ARHGAP29: variants seen among roughly 807,000 people sequenced by gnomAD.
ARHGAP29 encodes the protein Rho GTPase activating protein 29.
ARHGAP29 carries 43 observed loss-of-function variants against 122.6 expected under a neutral mutation model. The observed-to-expected ratio is 0.35, with a 90% CI of 0.27 to 0.45. The LOEUF (loss-of-function observed/expected upper bound fraction) is 0.45, where lower values mean the gene tolerates loss of function less well. ARHGAP29 is among the 20% of genes least tolerant of loss of function. The pLI is 1.00. For missense variants in ARHGAP29, 1,303 were observed against 1,477.2 expected, an observed-to-expected ratio of 0.88 and a Z score of 1.93; for synonymous variants, 506 against 497.1, an observed-to-expected ratio of 1.02 and a Z score of -0.24.
chr1:94,183,716 T>C (rs1448425894), intron 19 of ARHGAP29, among the ~76,000 whole-genome samples: 5 of 152,236 alleles, frequency 3.3e-5, no homozygotes, highest in Non-Finnish European at 5.9e-5. Context: ...TTCATATAAC[T>C]GTGTGGATAC....
chr1:94,294,962 CA>C, the ARHGAP29 span, among the ~76,000 whole-genome samples: 1 of 152,190 alleles, frequency 6.6e-6, no homozygotes, highest in Non-Finnish European at 1.5e-5. Flanking sequence ...GTGGCAAAAG[CA>C]GCTTCCATAG....
intron 1 of ARHGAP29, among the ~76,000 whole-genome samples, chr1:94,254,612 T>C (rs148301659): frequency 1.4e-4 from 22 of 152,248 alleles, no homozygotes; most frequent in African/African-American, 5.3e-4. Flanking sequence ...AAGAGCTCCA[T>C]TCGGGAAAAA....
At chr1:94,279,510 A>T (rs1655284993), upstream of ARHGAP29, among the ~76,000 whole-genome samples, 1 of 152,198 alleles carries the variant, frequency 6.6e-6, no homozygotes, top group African/African-American at 2.4e-5. Context: ...TTCAGATCAT[A>T]TCAAAATCAC....
rs1648620262 is a variant in ARHGAP29, at chr1:94,169,929, A to G, written c.*3940T>C. On this transcript the variant is annotated 3_prime_UTR_variant, in exon 23 of 23. Transcript: ENST00000260526. ...TGACAATAATACACTGTCACTGAAT[A>G]AAGCAGGCATTCATGAATCTATACT... Among the ~76,000 whole-genome samples, 1 of 152,228 alleles carries G rather than the reference A, an allele frequency of 6.6e-6. No individual in the cohort carries two copies. The highest frequency in any genetic ancestry group is 2.1e-4 in the South Asian group (1 of 4,832).
chr1:94,202,821 A>G (rs576874869), intron 10 of ARHGAP29, 89 bp from the exon 11 acceptor site: 3 of 1,541,214 alleles, frequency 1.9e-6, no homozygotes, highest in African/African-American at 2.8e-5. Flanking sequence ...AGTTAAGACA[A>G]TATTTTAGAA....
chr1:94,201,751 A>AGTGTCCGG lies in ARHGAP29; in HGVS notation c.1242_1249dup (p.Leu417ProfsTer15), dbSNP rs1173743984. The AGTGTCCGG allele has an allele frequency of 6.2e-7, 1 of 1,613,850 alleles. No homozygotes were observed. ...AAGGGTAAGATCACACTGGAAAACA[A>AGTGTCCGG]GTGTCCGGAGTTGTGCTAAAATTTC... On this transcript the variant is annotated frameshift_variant, in exon 12 of 23. Transcript: ENST00000260526. LOFTEE classifies it high-confidence loss of function.
At chr1:94,197,136 GAA>G (rs1205017907) in intron 12 of ARHGAP29, among the ~76,000 whole-genome samples, 1 of 151,882 alleles carries the variant, frequency 6.6e-6, no homozygotes, top group Non-Finnish European at 1.5e-5. Flanking sequence ...CAATGAGAGA[GAA>G]AGAGAAAAAA....
At chr1:94,304,181 G>T in the ARHGAP29 span, among the ~76,000 whole-genome samples, 39 of 152,160 alleles carry the variant, frequency 2.6e-4, no homozygotes, top group African/African-American at 9.4e-4. Flanking sequence ...TGTCTCCTAG[G>T]CTGGATGGAG....
the ARHGAP29 span, among the ~76,000 whole-genome samples, chr1:94,291,175 G>A: frequency 6.6e-6 from 1 of 152,194 alleles, no homozygotes; most frequent in South Asian, 2.1e-4. Context: ...TTATGTAATG[G>A]CCTTCTTTGT....
At chr1:94,224,683 A>G (rs1282417035) in intron 2 of ARHGAP29, among the ~76,000 whole-genome samples, 6 of 152,170 alleles carry the variant, frequency 3.9e-5, no homozygotes. Context: ...AGTCCCTGCT[A>G]TAGTTTTTCT....
chr1:94,178,162 A>G lies in ARHGAP29; in HGVS notation c.2486T>C (p.Val829Ala). The part of the protein sequence containing the change: ...HFLIVHLKRV[V>A]DHAEENKMNS... ...CATCTTGTTTTCTTCTGCATGATCTACTACCCTGCAAAGTAGAACACATAA... is the reference window on the plus strand; with the variant it reads ...CATCTTGTTTTCTTCTGCATGATCTGCTACCCTGCAAAGTAGAACACATAA... Residue 829 changes from valine (V) to alanine (A), a missense_variant, in exon 21 of 23, where the codon GTA (valine) becomes GCA (alanine). Transcript: ENST00000260526. The G allele has an allele frequency of 6.2e-7, 1 of 1,612,206 alleles. No individual in the cohort carries two copies. Among genetic ancestry groups the G allele is most frequent in the Admixed American group, 1.7e-5 (1 of 59,786 alleles).
chr1:94,217,061 C>T (rs1651990620), intron 3 of ARHGAP29, among the ~76,000 whole-genome samples: 1 of 152,132 alleles, frequency 6.6e-6, no homozygotes. Flanking sequence ...AGCAGGCACC[C>T]TTCATGCATT....
Position 94,184,137 on chromosome 1 carries a change from G to C in ARHGAP29, c.2247+14C>G, listed in dbSNP as rs778363493. 1.0e-5 allele frequency: 16 copies of C among 1,600,972 alleles called. No individual in the cohort carries two copies. The highest frequency in any genetic ancestry group is 1.0e-5 in the Non-Finnish European group (12 of 1,176,700). The stretch of plus-strand genomic sequence containing the variant: ...TTTAATTTAATGGTGGGTTTCAAGG[G>C]TAAAAATTTTTACCTGCCGAAGGTA... On this transcript the variant is annotated intron_variant, in intron 19 of 22. Coordinates refer to ENST00000260526, the MANE Select transcript of ARHGAP29 (RefSeq NM_004815.4).
At position 94,170,095 on chromosome 1, in the gene ARHGAP29, C is replaced by T. The variant is rs926971567; in HGVS notation, c.*3774G>A. Among the ~76,000 whole-genome samples, 2 of 152,070 alleles carry T rather than the reference C, an allele frequency of 1.3e-5. No homozygotes were observed. The highest frequency in any genetic ancestry group is 1.9e-4 in the East Asian group (1 of 5,186). On this transcript the variant is annotated 3_prime_UTR_variant, in exon 23 of 23. Coordinates refer to ENST00000260526, the MANE Select transcript of ARHGAP29 (RefSeq NM_004815.4). Reference sequence around the variant, plus strand: ...GTCAAGAATTGTCAATAGACTAGCCCGTGACAATTCGATGAGAAACAATAC... The same window carrying T: ...GTCAAGAATTGTCAATAGACTAGCCTGTGACAATTCGATGAGAAACAATAC...
intron 5 of ARHGAP29, 125 bp from the exon 6 acceptor site, chr1:94,205,808 T>C: frequency 1.3e-6 from 1 of 775,910 alleles, no homozygotes; most frequent in East Asian, 2.6e-5. Flanking sequence ...TATTTAAAAC[T>C]TAAAGGCCTT....
intron 1 of ARHGAP29, among the ~76,000 whole-genome samples, chr1:94,257,203 A>T (rs1654392528): frequency 6.6e-6 from 1 of 151,878 alleles, no homozygotes; most frequent in African/African-American, 2.4e-5. Flanking sequence ...GGAGATGGAG[A>T]TTATCCTGGC....
chr1:94,286,459 G>A, the ARHGAP29 span, among the ~76,000 whole-genome samples: 1 of 152,130 alleles, frequency 6.6e-6, no homozygotes, highest in Non-Finnish European at 1.5e-5. Context: ...CTTGAGACCA[G>A]GAGTTCAAGA....
chr1:94,192,080 ATTCT>A (rs1180845183), intron 12 of ARHGAP29: 4 of 152,186 alleles, frequency 2.6e-5, no homozygotes, highest in African/African-American at 7.2e-5. Flanking sequence ...TCCTTTCATG[ATTCT>A]TTAAGTAAAT....
chr1:94,169,721 C>T lies in ARHGAP29; in HGVS notation c.*4148G>A, dbSNP rs1184515289. On this transcript the variant is annotated 3_prime_UTR_variant, in exon 23 of 23. Coordinates refer to ENST00000260526, the MANE Select transcript of ARHGAP29 (RefSeq NM_004815.4). ...ATATACCATTTCCCATTTAAAGAAA[C>T]CAGGGCTCCTTGGAAAAAAGGGCTA... is the stretch of plus-strand genomic sequence containing the variant. Among the ~76,000 whole-genome samples, 2 of 151,962 alleles carry T rather than the reference C, an allele frequency of 1.3e-5. No individual in the cohort carries two copies. Among genetic ancestry groups the T allele is most frequent in the East Asian group, 3.9e-4 (2 of 5,178 alleles).
Sources: allele counts gnomAD v4.1 joint callset (sites outside exome capture counted in the v4.1 genomes callset), GRCh38; gene constraint gnomAD v4.1.1; transcripts MANE v1.5; gene names NCBI Gene and HGNC (gene_info 2026-07-23, HGNC 2026-07-21).